The following LRP1B variants were observed in gnomAD, a reference collection of about 807,000 sequenced individuals.
LRP1B encodes the protein LDL receptor related protein 1B, also known as low-density lipoprotein receptor-related protein 1B.
Under a neutral mutation model 556.6 loss-of-function variants are expected in LRP1B, and 217 were observed. That is an observed-to-expected ratio of 0.39 (90% CI 0.35 to 0.44). The LOEUF (loss-of-function observed/expected upper bound fraction) is 0.44. LRP1B is among the 20% of genes least tolerant of loss of function. The pLI, the probability that LRP1B is intolerant of heterozygous loss-of-function variation, is 1.00. For missense variants in LRP1B, 5,053 were observed against 5,620.8 expected (o/e 0.90, Z 3.23); for synonymous variants, 2,047 against 1,865.8 (o/e 1.10, Z -2.50).
chr2:140,436,154 T>C (rs1686171763), intron 66 of LRP1B, among the ~76,000 whole-genome samples: 1 of 152,158 alleles, frequency 6.6e-6, no homozygotes, highest in Non-Finnish European at 1.5e-5. Context: ...GATCTAATAA[T>C]AGTACAAAAA....
intron 7 of LRP1B, among the ~76,000 whole-genome samples, chr2:141,144,007 T>A (rs1701721142): frequency 6.6e-6 from 1 of 152,098 alleles, no homozygotes; most frequent in African/African-American, 2.4e-5. Context: ...TAGTGAGTGT[T>A]TGGGTAGGAT....
intron 3 of LRP1B, among the ~76,000 whole-genome samples, chr2:141,431,601 G>C (rs1680565596): frequency 6.6e-6 from 1 of 152,150 alleles, no homozygotes. Context: ...ACAATAGGAA[G>C]TCTGTTATCC....
rs552929660 is a variant in LRP1B at position 141,183,072 on chromosome 2, A to G, written c.1013+5349T>C. 2.0e-4 allele frequency among the ~76,000 whole-genome samples: 30 copies of G among 152,108 alleles called. 2 individuals are homozygous for G. The East Asian group carries it at 5.7e-3, about 29-fold the overall frequency. On this transcript the variant is annotated intron_variant, in intron 7 of 90. Transcript: ENST00000389484. ...GAACCGTCTCAGTCCTCAAAGTGAT[A>G]CATAGTGGTTGGGGGTGGGGGAGCA...
chr2:141,463,418 G>A (rs942246338), intron 3 of LRP1B, among the ~76,000 whole-genome samples: 15 of 150,490 alleles, frequency 1.0e-4, no homozygotes, highest in Admixed American at 8.0e-4. Context: ...GAAAAAGGGA[G>A]AAATACATTG....
At chr2:140,931,955 A>G (rs1695063096) in intron 20 of LRP1B, among the ~76,000 whole-genome samples, 1 of 152,190 alleles carries the variant, frequency 6.6e-6, no homozygotes, top group Non-Finnish European at 1.5e-5. Flanking sequence ...AAGAAATTGC[A>G]ATGTGGATAG....
intron 11 of LRP1B, among the ~76,000 whole-genome samples, chr2:141,046,287 C>A (rs1183957681): frequency 6.6e-6 from 1 of 152,092 alleles, no homozygotes; most frequent in African/African-American, 2.4e-5. Context: ...TCAAACTAAG[C>A]ATTGCCTCGC....
chr2:141,522,330 T>G (rs1281143537), intron 2 of LRP1B, among the ~76,000 whole-genome samples: 1 of 152,180 alleles, frequency 6.6e-6, no homozygotes, highest in Admixed American at 6.6e-5. Flanking sequence ...AGTCGCATTA[T>G]GTAAACATCT....
intron 2 of LRP1B, among the ~76,000 whole-genome samples, chr2:141,486,452 C>T (rs2105102184): frequency 6.6e-6 from 1 of 152,074 alleles, no homozygotes; most frequent in East Asian, 1.9e-4. Context: ...TCAAATATCT[C>T]TTCTGATTAA....
intron 43 of LRP1B, among the ~76,000 whole-genome samples, chr2:140,543,318 T>A (rs1420922833): frequency 2.6e-5 from 4 of 151,946 alleles, no homozygotes; most frequent in African/African-American, 9.6e-5. Flanking sequence ...AAGGGAAATT[T>A]AAAAAAATAG....
intron 1 of LRP1B, among the ~76,000 whole-genome samples, chr2:141,845,659 C>A (rs1216551653): frequency 4.0e-5 from 6 of 151,742 alleles, no homozygotes. Context: ...GTAGACATTT[C>A]TAGCCAAAGC....
chr2:140,745,032 T>C (rs115796973), intron 35 of LRP1B, among the ~76,000 whole-genome samples: 1,763 of 152,302 alleles, frequency 0.012, 37 homozygotes, highest in African/African-American at 0.038. Flanking sequence ...TCAAATATAT[T>C]ATGTATCATT....
Position 140,903,038 on chromosome 2 carries a change from A to G in LRP1B, c.3648T>C (p.Asp1216=). ...TGCACTTTAGATGATTGCTACAATA[A>G]TCCACAATTTCACATGTTTTATTGT... is the stretch of plus-strand genomic sequence containing the variant. The part of the protein sequence containing the change: ...NKDNKTCEIV[D]YCSNHLKCSQ... Residue 1216 remains aspartate (D), a synonymous_variant, in exon 23 of 91, where the codon GAT becomes GAC. Coordinates refer to ENST00000389484, the MANE Select transcript of LRP1B (RefSeq NM_018557.3). The G allele has an allele frequency of 6.2e-7, 1 of 1,613,752 alleles. No homozygotes were observed. Among genetic ancestry groups the G allele is most frequent in the Non-Finnish European group, 8.5e-7 (1 of 1,179,778 alleles).
chr2:142,020,158 G>A (rs1251139202), intron 1 of LRP1B, among the ~76,000 whole-genome samples: 1 of 152,146 alleles, frequency 6.6e-6, no homozygotes, highest in African/African-American at 2.4e-5. Context: ...GGAACGGGTA[G>A]ATATAATCAA....
chr2:140,484,604 C>A (rs541923783), intron 59 of LRP1B, among the ~76,000 whole-genome samples: 1 of 152,192 alleles, frequency 6.6e-6, no homozygotes, highest in Non-Finnish European at 1.5e-5. Context: ...TGTAATCACT[C>A]TAAATTACAG....
chr2:140,767,919 C>T (rs1451623801), intron 35 of LRP1B, among the ~76,000 whole-genome samples: 1 of 151,688 alleles, frequency 6.6e-6, no homozygotes, highest in Non-Finnish European at 1.5e-5. Context: ...CTTAACAAAT[C>T]CTATATGATA....
chr2:141,320,528 A>G (rs140011580), intron 3 of LRP1B, among the ~76,000 whole-genome samples: 1,825 of 152,202 alleles, frequency 0.012, 41 homozygotes, highest in African/African-American at 0.041. Context: ...GACCACTCCT[A>G]CTTAATTTGG....
chr2:140,497,450 T>C (rs1260080697), intron 55 of LRP1B, among the ~76,000 whole-genome samples: 1 of 151,726 alleles, frequency 6.6e-6, no homozygotes, highest in Non-Finnish European at 1.5e-5. Flanking sequence ...ACTGTACACA[T>C]AAAAAAATGG....
intron 35 of LRP1B, among the ~76,000 whole-genome samples, chr2:140,724,372 C>A (rs1687516312): frequency 6.6e-6 from 1 of 151,828 alleles, no homozygotes. Flanking sequence ...ATATACAGAA[C>A]AAAAAATAAT....
chr2:140,899,046 A>C (rs926626708), intron 23 of LRP1B: 2 of 296,652 alleles, frequency 6.7e-6, no homozygotes, highest in African/African-American at 4.4e-5. Flanking sequence ...TTGATATGGA[A>C]GGTAATCTTT....
Sources: allele counts gnomAD v4.1 joint callset (sites outside exome capture counted in the v4.1 genomes callset), GRCh38; gene constraint gnomAD v4.1.1; transcripts MANE v1.5; gene names NCBI Gene and HGNC (gene_info 2026-07-23, HGNC 2026-07-21).